CFI: variants seen among roughly 807,000 people sequenced by gnomAD.
The protein encoded by CFI is C3B/C4B inactivator.
CFI carries 66 observed loss-of-function variants against 78.8 expected under a neutral mutation model. That is an observed-to-expected ratio of 0.84 (90% CI 0.69 to 1.03). The LOEUF is 1.03. CFI is among the 50% of genes least tolerant of loss of function. CFI has a pLI of 0.00. For missense variants in CFI, 706 were observed against 704.5 expected, an observed-to-expected ratio of 1.00 and a Z score of -0.02; for synonymous variants, 250 against 232.6, an observed-to-expected ratio of 1.07 and a Z score of -0.68.
At chr4:109,760,487 G>A (rs1726914635) in intron 5 of CFI, 36 bp downstream of exon 5, 1 of 1,483,934 alleles carries the variant, frequency 6.7e-7, no homozygotes, top group Non-Finnish European at 9.4e-7. Context: ...TCAGAAAAAT[G>A]AATTTAGAGG....
chr4:109,789,179 G>A (rs1731078928), intron 1 of CFI, among the ~76,000 whole-genome samples: 3 of 151,840 alleles, frequency 2.0e-5, no homozygotes, highest in African/African-American at 7.3e-5. Context: ...AAAAATTAAA[G>A]AATAGAGTAT....
chr4:109,769,276 A>T (rs1330148480), intron 1 of CFI, among the ~76,000 whole-genome samples: 2 of 152,222 alleles, frequency 1.3e-5, no homozygotes, highest in Admixed American at 6.5e-5. Context: ...TTAAACAAAA[A>T]CAAAAAATTA....
downstream of CFI, among the ~76,000 whole-genome samples, chr4:109,739,799 G>A (rs1723602277): frequency 6.6e-6 from 1 of 152,094 alleles, no homozygotes. Context: ...AGAAGGAAGA[G>A]GCTGAGAACA....
rs1726039584 is a variant in CFI at position 109,755,634 on chromosome 4, T to C, written c.904+2129A>G. 2.6e-5 allele frequency among the ~76,000 whole-genome samples: 4 copies of C among 152,094 alleles called. No individual in the cohort carries two copies. In the South Asian group the frequency reaches 8.3e-4, roughly 32 times the overall value. On this transcript the variant is annotated intron_variant, in intron 7 of 12. Transcript: ENST00000394634. ...TCCGTTGCTCTCTTGCCCTTCAACC[T>C]CCTGCCATGGGTGATGGAGCAAGAA... is the stretch of plus-strand genomic sequence containing the variant.
chr4:109,759,672 A>T (rs920826503), intron 6 of CFI, among the ~76,000 whole-genome samples: 4 of 152,126 alleles, frequency 2.6e-5, no homozygotes, highest in African/African-American at 9.7e-5. Context: ...GGAGGCCAAG[A>T]TCATCTGAGG....
rs377090638 is a variant in CFI, at chr4:109,766,667, G to C, written c.215C>G (p.Thr72Ser). Residue 72 changes from threonine to serine, a missense_variant, in exon 2 of 13, where the codon ACT (threonine) becomes AGT (serine). By Grantham distance (58) the Thr-to-Ser change is moderately conservative (BLOSUM62 1). Transcript: ENST00000394634. ...TCTCCTGTTAGTTGCACACACTGCAGTGCCATTCTTTGGGCACTGATACGG... is the reference window on the plus strand; with the variant it reads ...TCTCCTGTTAGTTGCACACACTGCACTGCCATTCTTTGGGCACTGATACGG... ...KLPYQCPKNG[T>S]AVCATNRRSF... 41 of 1,614,058 alleles carry C rather than the reference G, an allele frequency of 2.5e-5. No homozygotes were observed. Among genetic ancestry groups the C allele is most frequent in the Middle Eastern group, 1.6e-4 (1 of 6,084 alleles).
At chr4:109,731,196 A>AT in the CFI span, among the ~76,000 whole-genome samples, 249 of 152,178 alleles carry the variant, frequency 1.6e-3, no homozygotes, top group African/African-American at 5.7e-3. Context: ...AATACAGAAA[A>AT]TTAGCTGGGC....
chr4:109,794,768 G>A lies in CFI; in HGVS notation c.57+7147C>T, dbSNP rs183537545. 2.9e-4 allele frequency among the ~76,000 whole-genome samples: 44 copies of A among 152,184 alleles called. 1 individual carries two copies. The highest frequency in any genetic ancestry group is 1.0e-3 in the African/African-American group (42 of 41,524). ...AGATTGTGCCACTGCACTCCAGCTT[G>A]GGTGACAGAGCAAGACTCTGTCTCC... On this transcript the variant is annotated intron_variant, in intron 1 of 12. Transcript: ENST00000394634.
intron 8 of CFI, among the ~76,000 whole-genome samples, chr4:109,751,385 G>A (rs1482691914): frequency 6.6e-6 from 1 of 151,780 alleles, no homozygotes; most frequent in African/African-American, 2.4e-5. Context: ...AAAAATAAAG[G>A]GCCATTGTTG....
downstream of CFI, among the ~76,000 whole-genome samples, chr4:109,737,768 T>A (rs1223451444): frequency 6.6e-6 from 1 of 152,200 alleles, no homozygotes; most frequent in Non-Finnish European, 1.5e-5. Context: ...TTTTGGAAAT[T>A]CTGTGAACTG....
At position 109,776,453 on chromosome 4, in the gene CFI, C is replaced by A. The variant is rs151172842; in HGVS notation, c.58-9629G>T. ...AGTAAAAAGAAATGAACAAAGCCTCCAAGAAATATGGGACTATGTGAAAAG... is the reference window on the plus strand; with the variant it reads ...AGTAAAAAGAAATGAACAAAGCCTCAAAGAAATATGGGACTATGTGAAAAG... On this transcript the variant is annotated intron_variant, in intron 1 of 12. Transcript: ENST00000394634. Among the ~76,000 whole-genome samples the A allele has an allele frequency of 3.9e-3, 601 of 152,232 alleles. 7 individuals carry two copies. Among genetic ancestry groups the A allele is most frequent in the African/African-American group, 0.014 (583 of 41,542 alleles).
intron 8 of CFI, among the ~76,000 whole-genome samples, chr4:109,750,561 G>A (rs763780042): frequency 6.6e-6 from 1 of 152,088 alleles, no homozygotes; most frequent in Non-Finnish European, 1.5e-5. Context: ...GCATGCAGAC[G>A]TCTGGCGCAT....
Position 109,766,824 on chromosome 4 carries a change from C to T in CFI, c.58G>A (p.Val20Ile), listed in dbSNP as rs1727825220. Reference sequence around the variant, plus strand: ...AGATCCTCTTGAGATGTATAAGTGACCTGTAAAATGCAAAATAAACATTAA... The same window carrying T: ...AGATCCTCTTGAGATGTATAAGTGATCTGTAAAATGCAAAATAAACATTAA... Reference protein sequence around the residue: ...FLCFHLRFCKVTYTSQEDLVE... With the variant: ...FLCFHLRFCKITYTSQEDLVE... The change falls in exon 2 of 13, where the codon GTC becomes ATC. Residue 20 changes from valine (V) to isoleucine (I), a missense_variant and splice_region_variant. Transcript: ENST00000394634. The T allele has an allele frequency of 6.2e-7, 1 of 1,613,856 alleles. No individual in the cohort carries two copies. The highest frequency in any genetic ancestry group is 8.5e-7 in the Non-Finnish European group (1 of 1,180,008).
At chr4:109,782,745 A>C (rs1048853733) in intron 1 of CFI, among the ~76,000 whole-genome samples, 6 of 152,170 alleles carry the variant, frequency 3.9e-5, no homozygotes, top group Non-Finnish European at 5.9e-5. Context: ...AAAAGAGCAA[A>C]TCTGGAAGCA....
At chr4:109,797,475 G>T (rs1292946129) in intron 1 of CFI, among the ~76,000 whole-genome samples, 2 of 152,076 alleles carry the variant, frequency 1.3e-5, no homozygotes, top group Non-Finnish European at 2.9e-5. Context: ...AAAACTTTTA[G>T]AATAAAACAT....
chr4:109,738,662 G>A (rs962064798), downstream of CFI, among the ~76,000 whole-genome samples: 9 of 152,134 alleles, frequency 5.9e-5, no homozygotes, highest in Admixed American at 5.9e-4. Flanking sequence ...GAGGCTCATC[G>A]GCTGCTATGT....
rs1731046442 is a variant in CFI, at chr4:109,788,860, A to G, written c.57+13055T>C. Among the ~76,000 whole-genome samples, 4 of 152,128 alleles carry G rather than the reference A, an allele frequency of 2.6e-5. No homozygotes were observed. The South Asian group carries it at 8.3e-4, about 31-fold the overall frequency. On this transcript the variant is annotated intron_variant, in intron 1 of 12. Coordinates refer to ENST00000394634, the MANE Select transcript of CFI (RefSeq NM_000204.5). ...TAATATTTGACATTTAATACAAAAT[A>G]GTAGGCATCAGAGAAGTCATAAAAT...
At chr4:109,739,604 T>C (rs1723591002), downstream of CFI, among the ~76,000 whole-genome samples, 1 of 152,186 alleles carries the variant, frequency 6.6e-6, no homozygotes. Flanking sequence ...CACTTTTCTT[T>C]TGAAATGTTA....
chr4:109,743,540 T>C (rs1178483411), intron 11 of CFI, among the ~76,000 whole-genome samples: 2 of 152,252 alleles, frequency 1.3e-5, no homozygotes, highest in African/African-American at 2.4e-5. Context: ...ACTGGGTCCA[T>C]ATTTTCCATC....
Sources: allele counts gnomAD v4.1 joint callset (sites outside exome capture counted in the v4.1 genomes callset), GRCh38; gene constraint gnomAD v4.1.1; transcripts MANE v1.5; gene names NCBI Gene and HGNC (gene_info 2026-07-23, HGNC 2026-07-21).